DMRT2: variants seen among roughly 807,000 people sequenced by gnomAD.
The protein encoded by DMRT2 is doublesex- and mab-3-related transcription factor 2.
Under a neutral mutation model 43.5 loss-of-function variants are expected in DMRT2, and 33 were observed. That is an observed-to-expected ratio of 0.76 (90% CI 0.58 to 1.01). DMRT2 has a LOEUF of 1.01. DMRT2 is among the 50% of genes least tolerant of loss of function. DMRT2 has a pLI of 0.00. For missense variants in DMRT2, 1,064 were observed against 748.0 expected, an observed-to-expected ratio of 1.42 and a Z score of -4.93; for synonymous variants, 395 against 309.2, an observed-to-expected ratio of 1.28 and a Z score of -2.91.
At position 1,057,364 on chromosome 9, in the gene DMRT2, A is replaced by G; in HGVS notation, c.*91A>G. 2 of 1,406,990 alleles carry G rather than the reference A, an allele frequency of 1.4e-6. No homozygotes were observed. 87.2% of individuals were successfully genotyped at this position (1,406,990 alleles called of 1,614,324 possible). A position where few individuals can be genotyped will look rare whatever the true frequency, so the allele number is the denominator to read the frequency against. ...TTTTAAAAGTTAAGATGTTTGTGTA[A>G]AGAAATTTCTAATGTAAAGATGATG... On this transcript the variant is annotated 3_prime_UTR_variant, in exon 4 of 4. Transcript: ENST00000358146.
intron 3 of DMRT2, chr9:1,055,772 T>C (rs1442294841): frequency 5.3e-6 from 8 of 1,509,234 alleles, no homozygotes; most frequent in Non-Finnish European, 7.1e-6. Flanking sequence ...GAACCATCTT[T>C]AGAAAATAAA....
intron 3 of DMRT2, among the ~76,000 whole-genome samples, chr9:1,055,487 T>C (rs1293565400): frequency 1.3e-5 from 2 of 152,200 alleles, no homozygotes; most frequent in Non-Finnish European, 1.5e-5. Context: ...AGAACAGTTA[T>C]TTTCGATAGA....
chr9:1,057,332 C>G lies in DMRT2; in HGVS notation c.*59C>G. The G allele has an allele frequency of 6.7e-7, 1 of 1,484,106 alleles. No homozygotes were observed. The highest frequency in any genetic ancestry group is 2.3e-5 in the East Asian group (1 of 43,740). 91.9% of individuals were successfully genotyped at this position (1,484,106 alleles called of 1,614,324 possible). ...AGTCTTAGAGCATTATAGCCATTTGCTACTTTTTTTAAAAGTTAAGATGTT... is the reference window on the plus strand; with the variant it reads ...AGTCTTAGAGCATTATAGCCATTTGGTACTTTTTTTAAAAGTTAAGATGTT... On this transcript the variant is annotated 3_prime_UTR_variant, in exon 4 of 4. Transcript: ENST00000358146.
rs1482307636 is a variant in DMRT2, at chr9:1,056,750, G to C, written c.1163G>C (p.Ser388Thr). ...GGAGCACGAGTCCAGGATGGACTCAGTGCAGAGCAGGACATGATGCCATCG... is the reference window on the plus strand; with the variant it reads ...GGAGCACGAGTCCAGGATGGACTCACTGCAGAGCAGGACATGATGCCATCG... ...LKGARVQDGL[S>T]AEQDMMPSKL... Residue 388 changes from serine (S) to threonine (T), a missense_variant, in exon 4 of 4, where the codon AGT becomes ACT. Coordinates refer to ENST00000358146, the MANE Select transcript of DMRT2 (RefSeq NM_181872.6). The C allele has an allele frequency of 8.1e-6, 13 of 1,614,048 alleles. No individual in the cohort carries two copies. Among genetic ancestry groups the C allele is most frequent in the Non-Finnish European group, 1.1e-5 (13 of 1,180,040 alleles).
chr9:1,056,748 C>CAG lies in DMRT2; in HGVS notation c.1162_1163dup (p.Ser388ArgfsTer7). Reference sequence around the variant, plus strand: ...AGGGAGCACGAGTCCAGGATGGACTCAGTGCAGAGCAGGACATGATGCCAT... The same window carrying CAG: ...AGGGAGCACGAGTCCAGGATGGACTCAGAGTGCAGAGCAGGACATGATGCCAT... On this transcript the variant is annotated frameshift_variant, in exon 4 of 4. Coordinates refer to ENST00000358146, the MANE Select transcript of DMRT2 (RefSeq NM_181872.6). LOFTEE classifies it high-confidence loss of function. 6.2e-7 allele frequency: 1 copy of CAG among 1,614,126 alleles called. No individual in the cohort carries two copies.
chr9:1,056,269 C>G lies in DMRT2; in HGVS notation c.682C>G (p.Pro228Ala), dbSNP rs1418874738. Reference protein sequence around the residue: ...TYVGGTFPLPPPVSDRMRKRR... With the variant: ...TYVGGTFPLPAPVSDRMRKRR... ...TGTAGGAGGGACCTTCCCTCTACCT[C>G]CCCCAGTTAGTGACAGGATGAGGAA... is the stretch of plus-strand genomic sequence containing the variant. Residue 228 changes from proline to alanine, a missense_variant, in exon 4 of 4, where the codon CCC (proline) becomes GCC (alanine). By Grantham distance (27) the Pro-to-Ala change is conservative. Transcript: ENST00000358146. The G allele has an allele frequency of 1.9e-6, 3 of 1,614,022 alleles. No individual in the cohort carries two copies. Among genetic ancestry groups the G allele is most frequent in the Non-Finnish European group, 2.5e-6 (3 of 1,180,014 alleles).
intron 3 of DMRT2, chr9:1,054,630 AT>A (rs1235944649): frequency 6.6e-6 from 1 of 152,134 alleles, no homozygotes; most frequent in East Asian, 1.9e-4. Context: ...AATATTACTC[AT>A]TTTTAAAAGC....
rs1182674939 is a variant in DMRT2 at position 1,052,125 on chromosome 9, A to C, written c.512A>C (p.Gln171Pro). 1 of 1,410,498 alleles carries C rather than the reference A, an allele frequency of 7.1e-7. No individual in the cohort carries two copies. Among genetic ancestry groups the C allele is most frequent in the Admixed American group, 3.0e-5 (1 of 33,170 alleles). The allele number at this position is 1,410,498 out of a possible 1,614,324, so 87.4% of individuals were successfully genotyped here. A position where few individuals can be genotyped will look rare whatever the true frequency, so the allele number is the denominator to read the frequency against. Residue 171 changes from glutamine to proline, a missense_variant, in exon 2 of 4, where the codon CAG becomes CCG. By Grantham distance (76) the Gln-to-Pro change is moderately conservative. Coordinates refer to ENST00000358146, the MANE Select transcript of DMRT2 (RefSeq NM_181872.6). ...VMAAQVALRRQQATEDKKGLS... is the reference protein window; with the variant it reads ...VMAAQVALRRPQATEDKKGLS... ...GCCGCCCAGGTGGCGCTCCGGAGGCAGCAGGCCACCGAGGTGCGTACCCGC... is the reference window on the plus strand; with the variant it reads ...GCCGCCCAGGTGGCGCTCCGGAGGCCGCAGGCCACCGAGGTGCGTACCCGC...
In DMRT2 at chr9:1,051,537, G is replaced by A. The variant is rs555412208; in HGVS notation, c.-44-33G>A. ...TCAGGGATGGTCCCTGACGGCGGCC[G>A]GTGGGTCTTTGGATTTCTTTGTGTT... On this transcript the variant is annotated intron_variant, in intron 1 of 3. Transcript: ENST00000358146. This position sits in a 1 kb window ranked among gnomAD's most constrained non-coding sequence, Gnocchi z 5.9. The A allele has an allele frequency of 6.4e-4, 916 of 1,429,058 alleles. 18 individuals carry two copies. In the South Asian group the frequency reaches 0.013, roughly 20 times the overall value. The allele number at this position is 1,429,058 out of a possible 1,614,324, so 88.5% of individuals were successfully genotyped here.
At chr9:1,056,055 C>T (rs770540681) in intron 3 of DMRT2, 161 bp from the exon 4 acceptor site, 1 of 1,436,112 alleles carries the variant, frequency 7.0e-7, no homozygotes, top group Non-Finnish European at 9.1e-7. Context: ...GAAACTCTTT[C>T]AAACCTAATC....
chr9:1,052,221 C>G (rs974581308), intron 2 of DMRT2, 83 bp downstream of exon 2: 1 of 1,179,432 alleles, frequency 8.5e-7, no homozygotes, highest in Non-Finnish European at 1.1e-6. Context: ...GTCCACACCC[C>G]CCGCGCCCAG....
At position 1,051,827 on chromosome 9, in the gene DMRT2, C is replaced by G; in HGVS notation, c.214C>G (p.Pro72Ala). ...EGDGEEAGASPGMPGQPEQRG... is the reference protein window; with the variant it reads ...EGDGEEAGASAGMPGQPEQRG... Reference sequence around the variant, plus strand: ...CGACGGCGAGGAGGCAGGCGCGTCCCCCGGGATGCCCGGCCAGCCGGAGCA... The same window carrying G: ...CGACGGCGAGGAGGCAGGCGCGTCCGCCGGGATGCCCGGCCAGCCGGAGCA... Residue 72 changes from proline (P) to alanine (A), a missense_variant, in exon 2 of 4, where the codon CCC (proline) becomes GCC (alanine). Transcript: ENST00000358146. This position sits in a 1 kb window ranked among gnomAD's most constrained non-coding sequence, Gnocchi z 5.9. The G allele has an allele frequency of 6.9e-7, 1 of 1,447,044 alleles. No homozygotes were observed. The highest frequency in any genetic ancestry group is 9.0e-7 in the Non-Finnish European group (1 of 1,106,914). The allele number at this position is 1,447,044 out of a possible 1,614,324, so 89.6% of individuals were successfully genotyped here. A position where few individuals can be genotyped will look rare whatever the true frequency, so the allele number is the denominator to read the frequency against.
At position 1,057,413 on chromosome 9, in the gene DMRT2, C is replaced by G; in HGVS notation, c.*140C>G. The G allele has an allele frequency of 1.1e-6, 1 of 875,368 alleles. No individual in the cohort carries two copies. The highest frequency in any genetic ancestry group is 3.0e-5 in the Admixed American group (1 of 33,558). 54.2% of individuals were successfully genotyped at this position (875,368 alleles called of 1,614,324 possible). A position where few individuals can be genotyped will look rare whatever the true frequency, so the allele number is the denominator to read the frequency against. ...TGATTTTGAAAAATTTTATATATTCCTAATATGCATGTACTTTTTCTTATC... is the reference window on the plus strand; with the variant it reads ...TGATTTTGAAAAATTTTATATATTCGTAATATGCATGTACTTTTTCTTATC... On this transcript the variant is annotated 3_prime_UTR_variant, in exon 4 of 4. Coordinates refer to ENST00000358146, the MANE Select transcript of DMRT2 (RefSeq NM_181872.6).
intron 3 of DMRT2, among the ~76,000 whole-genome samples, chr9:1,054,281 A>G (rs1821817438): frequency 6.6e-6 from 1 of 152,254 alleles, no homozygotes; most frequent in South Asian, 2.1e-4. Context: ...CAACACAACC[A>G]CGTCCACTTT....
chr9:1,053,890 A>C, intron 3 of DMRT2, 66 bp downstream of exon 3: 1 of 1,350,958 alleles, frequency 7.4e-7, no homozygotes, highest in Non-Finnish European at 1.0e-6. Flanking sequence ...AATCAGCACA[A>C]AGTGTGTTTA....
chr9:1,052,187 G>T, intron 2 of DMRT2, 49 bp downstream of exon 2: 1 of 1,300,182 alleles, frequency 7.7e-7, no homozygotes, highest in Non-Finnish European at 9.8e-7. Flanking sequence ...GGAGGTGGGG[G>T]AGTTGGAGGG....
rs756393184 is a variant in DMRT2 at position 1,056,676 on chromosome 9, C to T, written c.1089C>T (p.Ala363=). The change falls in exon 4 of 4, where the codon GCC becomes GCT. Residue 363 remains alanine, a synonymous_variant. Coordinates refer to ENST00000358146, the MANE Select transcript of DMRT2 (RefSeq NM_181872.6). Reference sequence around the variant, plus strand: ...TCTACCAGCAATGCCTGCTAAATGCCACCACCTCAGTTCAAGCCCTGAAGC... The same window carrying T: ...TCTACCAGCAATGCCTGCTAAATGCTACCACCTCAGTTCAAGCCCTGAAGC... ...TLLYQQCLLN[A]TTSVQALKPG... is the part of the protein sequence containing the mutation. 34 of 1,614,084 alleles carry T rather than the reference C, an allele frequency of 2.1e-5. 1 individual carries two copies. The South Asian group carries it at 3.4e-4, about 16-fold the overall frequency.
At position 1,051,942 on chromosome 9, in the gene DMRT2, G is replaced by A. The variant is rs978078325; in HGVS notation, c.329G>A (p.Gly110Asp). 32 of 1,366,090 alleles carry A rather than the reference G, an allele frequency of 2.3e-5. No homozygotes were observed. In the African/African-American group the frequency reaches 4.6e-4, roughly 20 times the overall value. 84.6% of individuals were successfully genotyped at this position (1,366,090 alleles called of 1,614,324 possible). A position where few individuals can be genotyped will look rare whatever the true frequency, so the allele number is the denominator to read the frequency against. ...GPRERCTPAG[G>D]GAEPRKLSRT... is the part of the protein sequence containing the mutation. ...CGAGAGCGCTGCACTCCCGCGGGCGGCGGCGCGGAGCCGCGCAAGCTGAGC... is the reference window on the plus strand; with the variant it reads ...CGAGAGCGCTGCACTCCCGCGGGCGACGGCGCGGAGCCGCGCAAGCTGAGC... The change falls in exon 2 of 4, where the codon GGC (glycine) becomes GAC (aspartate). Residue 110 changes from glycine (G) to aspartate (D), a missense_variant. By Grantham distance (94) the Gly-to-Asp change is moderately conservative (BLOSUM62 -1). Transcript: ENST00000358146. This position sits in a 1 kb window ranked among gnomAD's most constrained non-coding sequence, Gnocchi z 5.9.
rs1822081010 is a variant in DMRT2 at position 1,057,376 on chromosome 9, A to G, written c.*103A>G. On this transcript the variant is annotated 3_prime_UTR_variant, in exon 4 of 4. Transcript: ENST00000358146. ...AGATGTTTGTGTAAAGAAATTTCTA[A>G]TGTAAAGATGATGATTTTGAAAAAT... The G allele has an allele frequency of 7.4e-7, 1 of 1,345,456 alleles. No homozygotes were observed. The highest frequency in any genetic ancestry group is 1.5e-5 in the African/African-American group (1 of 67,932). The allele number at this position is 1,345,456 out of a possible 1,614,324, so 83.3% of individuals were successfully genotyped here. A position where few individuals can be genotyped will look rare whatever the true frequency, so the allele number is the denominator to read the frequency against.
Sources: allele counts gnomAD v4.1 joint callset (sites outside exome capture counted in the v4.1 genomes callset), GRCh38; gene constraint gnomAD v4.1.1; non-coding constraint Gnocchi (gnomAD v3.1); transcripts MANE v1.5; gene names NCBI Gene and HGNC (gene_info 2026-07-23, HGNC 2026-07-21).